NPAS2: variants seen among roughly 807,000 people sequenced by gnomAD.
The protein encoded by NPAS2 is neuronal PAS domain-containing protein 2.
A neutral mutation model predicts 107.5 loss-of-function variants in NPAS2; 23 were observed. The observed-to-expected ratio is 0.21, with a 90% CI of 0.15 to 0.30. The LOEUF (loss-of-function observed/expected upper bound fraction) is 0.30, where lower values mean the gene tolerates loss of function less well. NPAS2 is among the 10% of genes least tolerant of loss of function. The probability of loss-of-function intolerance (pLI) is 1.00; values close to 1 mark genes in which losing one functional copy is unlikely to be tolerated. For synonymous variants in NPAS2, 403 were observed against 417.5 expected, an observed-to-expected ratio of 0.97 and a Z score of 0.42; for missense variants, 756 against 1,043.3, an observed-to-expected ratio of 0.72 and a Z score of 3.79.
At chr2:100,849,639 G>A (rs1377746624) in intron 1 of NPAS2, among the ~76,000 whole-genome samples, 1 of 152,180 alleles carries the variant, frequency 6.6e-6, no homozygotes, top group Non-Finnish European at 1.5e-5. Context: ...CTCACTCTCT[G>A]TAGGAAGACA....
intron 1 of NPAS2, among the ~76,000 whole-genome samples, chr2:100,831,951 C>T (rs1439014854): frequency 6.6e-6 from 1 of 151,964 alleles, no homozygotes; most frequent in Non-Finnish European, 1.5e-5. Context: ...TGTCATTTAC[C>T]CCCTAGCATG....
intron 2 of NPAS2, among the ~76,000 whole-genome samples, chr2:100,919,572 C>T (rs1683096758): frequency 6.6e-6 from 1 of 152,132 alleles, no homozygotes; most frequent in Non-Finnish European, 1.5e-5. Context: ...TACTCACTTC[C>T]CCTTTAAGTT....
chr2:100,827,088 G>T (rs1676435901), intron 1 of NPAS2, among the ~76,000 whole-genome samples: 1 of 152,154 alleles, frequency 6.6e-6, no homozygotes, highest in Admixed American at 6.5e-5. Context: ...AAATTAAGTG[G>T]CTATGATCGA....
chr2:100,843,151 G>A lies in NPAS2; in HGVS notation c.-23+22737G>A, dbSNP rs546731684. ...GGAGGATCGCTTGAACCCGGGAGGC[G>A]GAGGTTGCAGTGAGCTGAGATCGCA... On this transcript the variant is annotated intron_variant, in intron 1 of 20. Coordinates refer to ENST00000335681, the MANE Select transcript of NPAS2 (RefSeq NM_002518.4). Among the ~76,000 whole-genome samples the A allele has an allele frequency of 2.8e-4, 42 of 151,780 alleles. No individual in the cohort carries two copies. The South Asian group carries it at 7.9e-3, about 29-fold the overall frequency.
At chr2:100,993,756 G>T (rs1573821416) in intron 20 of NPAS2, 1 of 414,358 alleles carries the variant, frequency 2.4e-6, no homozygotes, top group East Asian at 3.6e-5. Context: ...GCCTTATGTG[G>T]TTATGTGCTA....
intron 7 of NPAS2, among the ~76,000 whole-genome samples, chr2:100,956,712 G>A (rs895761928): frequency 8.5e-5 from 13 of 152,188 alleles, no homozygotes; most frequent in African/African-American, 3.1e-4. Flanking sequence ...AGGTTCCAGG[G>A]CAGAGGAGAA....
At chr2:100,931,306 T>A (rs550365973) in intron 3 of NPAS2, among the ~76,000 whole-genome samples, 1 of 152,236 alleles carries the variant, frequency 6.6e-6, no homozygotes, top group Non-Finnish European at 1.5e-5. Flanking sequence ...TCATAGCAGC[T>A]CTTTTCTGCC....
intron 1 of NPAS2, among the ~76,000 whole-genome samples, chr2:100,871,247 T>C (rs180756128): frequency 1.1e-4 from 17 of 152,178 alleles, no homozygotes; most frequent in African/African-American, 3.4e-4. Flanking sequence ...ATATTTACCA[T>C]ATCTCACTTT....
At chr2:100,974,720 C>T (rs1173726959) in intron 12 of NPAS2, 83 bp from the exon 13 acceptor site, 10 of 1,457,550 alleles carry the variant, frequency 6.9e-6, no homozygotes, top group African/African-American at 2.8e-5. Context: ...CTGAGGTTGT[C>T]GACATATTTA....
intron 2 of NPAS2, among the ~76,000 whole-genome samples, chr2:100,913,507 G>A (rs536966727): frequency 3.9e-5 from 6 of 152,294 alleles, no homozygotes; most frequent in African/African-American, 1.2e-4. Context: ...TAGCAGGGAA[G>A]CCTGATAGAC....
At chr2:100,982,094 C>G in intron 15 of NPAS2, 137 bp from the exon 16 acceptor site, 1 of 1,053,950 alleles carries the variant, frequency 9.5e-7, no homozygotes, top group East Asian at 2.6e-5. Context: ...CAGGACCCAG[C>G]CGTGGGCTCC....
At chr2:100,979,265 T>C (rs1340161447) in intron 15 of NPAS2, among the ~76,000 whole-genome samples, 4 of 151,864 alleles carry the variant, frequency 2.6e-5, no homozygotes, top group African/African-American at 9.7e-5. Context: ...GAATACTGTT[T>C]TTCTCTTTAA....
chr2:100,925,315 T>A (rs1683490600), intron 3 of NPAS2, 21 bp downstream of exon 3: 2 of 1,612,204 alleles, frequency 1.2e-6, no homozygotes, highest in African/African-American at 1.3e-5. Flanking sequence ...CCCTTCTCTC[T>A]GTTTTTTTTC....
rs1053774560 is a variant in NPAS2, at chr2:100,996,122, TA to T, written c.*547del. 111 of 356,872 alleles carry T rather than the reference TA, an allele frequency of 3.1e-4. No homozygotes were observed. The highest frequency in any genetic ancestry group is 2.2e-3 in the African/African-American group (105 of 47,240). The allele number at this position is 356,872 out of a possible 1,614,324, so 22.1% of individuals were successfully genotyped here. A position where few individuals can be genotyped will look rare whatever the true frequency, so the allele number is the denominator to read the frequency against. On this transcript the variant is annotated 3_prime_UTR_variant, in exon 21 of 21. Transcript: ENST00000335681. ...TAACTTAGGCACTTTCTGTTTTTTT[TA>T]AAAAAATAATAAGGTCTCATGGCTT...
intron 10 of NPAS2, among the ~76,000 whole-genome samples, chr2:100,966,953 C>T (rs913460364): frequency 2.6e-5 from 4 of 152,090 alleles, no homozygotes; most frequent in East Asian, 3.9e-4. Flanking sequence ...CCATCTGGAT[C>T]GGCTGTTAGA....
intron 1 of NPAS2, chr2:100,822,622 T>C (rs1676142258): frequency 6.6e-6 from 1 of 152,240 alleles, no homozygotes; most frequent in Non-Finnish European, 1.5e-5. Flanking sequence ...ACCATCTTTA[T>C]ATGTTCATTT....
At chr2:100,983,861 C>A (rs940954994) in intron 16 of NPAS2, 5 of 152,210 alleles carry the variant, frequency 3.3e-5, no homozygotes, top group Admixed American at 6.5e-5. Flanking sequence ...ACTCCAATTA[C>A]TTTAATGGAA....
intron 13 of NPAS2, 65 bp downstream of exon 13, chr2:100,975,009 A>T: frequency 6.3e-7 from 1 of 1,576,962 alleles, no homozygotes; most frequent in Non-Finnish European, 8.7e-7. Flanking sequence ...AGCCCCACAG[A>T]GGGTCCCGGG....
intron 15 of NPAS2, among the ~76,000 whole-genome samples, chr2:100,978,414 A>C (rs755305915): frequency 2.0e-5 from 3 of 152,034 alleles, no homozygotes; most frequent in Non-Finnish European, 4.4e-5. Context: ...TACGACTCCA[A>C]ATTGGCCATG....
Sources: allele counts gnomAD v4.1 joint callset (sites outside exome capture counted in the v4.1 genomes callset), GRCh38; gene constraint gnomAD v4.1.1; transcripts MANE v1.5; gene names NCBI Gene and HGNC (gene_info 2026-07-23, HGNC 2026-07-21).